DST: variants seen among roughly 807,000 people sequenced by gnomAD.
DST encodes the protein bullous pemphigoid antigen.
Under a neutral mutation model 875.2 loss-of-function variants are expected in DST, and 253 were observed. The ratio of observed to expected loss-of-function variants is 0.29; its 90% CI spans 0.26 to 0.32. The LOEUF is 0.32. Among genes scored for constraint, DST ranks in the 10% least tolerant of loss-of-function variants. The probability of loss-of-function intolerance (pLI) is 1.00; values close to 1 mark genes in which losing one functional copy is unlikely to be tolerated. For missense variants in DST, 8,287 were observed against 9,111.6 expected (o/e 0.91, Z 3.68); for synonymous variants, 3,124 against 3,197.1 (o/e 0.98, Z 0.77).
intron 56 of DST, 21 bp from the exon 57 acceptor site, chr6:56,561,570 T>C (rs767207379): frequency 6.3e-7 from 1 of 1,590,252 alleles, no homozygotes; most frequent in Admixed American, 1.8e-5. Flanking sequence ...GAAAAACAAC[T>C]ATACTGACAC....
intron 10 of DST, among the ~76,000 whole-genome samples, chr6:56,651,971 T>A (rs771604749): frequency 6.6e-6 from 1 of 152,348 alleles, no homozygotes; most frequent in Admixed American, 6.5e-5. Context: ...AAGAATGATA[T>A]ATAGTACACC....
chr6:56,850,258 A>C (rs1764393179), intron 4 of DST, among the ~76,000 whole-genome samples: 1 of 152,176 alleles, frequency 6.6e-6, no homozygotes. Context: ...ATGGCTGGCT[A>C]GGCACTGTTT....
chr6:56,515,368 T>C, intron 72 of DST, 82 bp downstream of exon 72: 1 of 1,480,260 alleles, frequency 6.8e-7, no homozygotes, highest in South Asian at 1.3e-5. Context: ...CATGTAAGTG[T>C]TTAACTGTAC....
At chr6:56,580,701 G>C (rs1294679899) in intron 49 of DST, among the ~76,000 whole-genome samples, 2 of 150,784 alleles carry the variant, frequency 1.3e-5, no homozygotes, top group Non-Finnish European at 3.0e-5. Flanking sequence ...TTTGAGCCTA[G>C]GTAATTAGCG....
chr6:56,598,066 C>T (rs2098408340), intron 46 of DST, 60 bp from the exon 47 acceptor site: 2 of 1,447,430 alleles, frequency 1.4e-6, no homozygotes, highest in Non-Finnish European at 1.8e-6. Flanking sequence ...AGTTTTAAGA[C>T]ATTCCAAAAG....
intron 37 of DST, among the ~76,000 whole-genome samples, chr6:56,612,906 TGCAGTCC>T (rs534491138): frequency 7.4e-4 from 112 of 152,236 alleles, no homozygotes; most frequent in African/African-American, 2.5e-3. Context: ...GGCATGTGTC[TGCAGTCC>T]AGCTACTCAG....
At chr6:56,682,370 CA>C (rs1054712675) in intron 9 of DST, among the ~76,000 whole-genome samples, 4 of 152,080 alleles carry the variant, frequency 2.6e-5, no homozygotes, top group African/African-American at 9.7e-5. Flanking sequence ...TAAGTAAGCT[CA>C]AAAACTGACA....
Position 56,893,578 on chromosome 6 carries a change from T to A in DST, c.417+6843A>T, listed in dbSNP as rs1190895225. ...CTTTTAGTTCTTTTTTTTTTTTTTT[T>A]TTTTTTTTTATTTTTTTTTATTTTT... On this transcript the variant is annotated intron_variant, in intron 3 of 103. Transcript: ENST00000680361. Among the ~76,000 whole-genome samples, 385 of 71,240 alleles carry A rather than the reference T, an allele frequency of 5.4e-3. 27 individuals carry two copies. The highest frequency in any genetic ancestry group is 8.8e-3 in the Admixed American group (76 of 8,592). 46.7% of individuals were successfully genotyped at this position (71,240 alleles called of 152,430 possible). A position where few individuals can be genotyped will look rare whatever the true frequency, so the allele number is the denominator to read the frequency against.
chr6:56,779,500 G>C (rs1282306367), intron 4 of DST, among the ~76,000 whole-genome samples: 1 of 151,954 alleles, frequency 6.6e-6, no homozygotes, highest in Non-Finnish European at 1.5e-5. Context: ...TTTTCTTCAA[G>C]GGTTTTTATG....
chr6:56,934,560 T>TTTTATATATATATATATAGATATA, intron 2 of DST, among the ~76,000 whole-genome samples: 1 of 106,486 alleles, frequency 9.4e-6, no homozygotes, highest in Non-Finnish European at 1.9e-5. Flanking sequence ...ATATATTATA[T>TTTTATATATATATATATAGATATA]TATATATATA....
intron 7 of DST, 55 bp from the exon 8 acceptor site, chr6:56,702,020 C>T: frequency 9.8e-7 from 1 of 1,021,458 alleles, no homozygotes; most frequent in Non-Finnish European, 1.5e-6. Flanking sequence ...ACAGACCATG[C>T]TAATTTAAAT....
intron 10 of DST, among the ~76,000 whole-genome samples, chr6:56,666,055 A>G (rs2099070616): frequency 6.6e-6 from 1 of 152,192 alleles, no homozygotes; most frequent in African/African-American, 2.4e-5. Flanking sequence ...ACTTATTATA[A>G]AAATTTCTCT....
intron 4 of DST, among the ~76,000 whole-genome samples, chr6:56,770,135 A>G (rs1190954526): frequency 6.6e-6 from 1 of 152,186 alleles, no homozygotes; most frequent in Admixed American, 6.5e-5. Context: ...CAGTGTCTAA[A>G]CAGCAGATAA....
At chr6:56,770,440 T>TA (rs1367293885) in intron 4 of DST, among the ~76,000 whole-genome samples, 1 of 152,216 alleles carries the variant, frequency 6.6e-6, no homozygotes, top group Non-Finnish European at 1.5e-5. Context: ...ATTTAATTTA[T>TA]AAAGATCATA....
At chr6:56,825,919 GGA>G (rs2099779919) in intron 4 of DST, among the ~76,000 whole-genome samples, 1 of 152,102 alleles carries the variant, frequency 6.6e-6, no homozygotes, top group African/African-American at 2.4e-5. Context: ...ATCTCCTAAA[GGA>G]AAGCAACATC....
chr6:56,575,346 CTCTGAT>C (rs2097848361), intron 50 of DST, among the ~76,000 whole-genome samples: 1 of 152,060 alleles, frequency 6.6e-6, no homozygotes, highest in African/African-American at 2.4e-5. Flanking sequence ...CATATGTACC[CTCTGAT>C]TCTAAAATAA....
At chr6:56,648,139 T>G (rs151197854) in intron 13 of DST, among the ~76,000 whole-genome samples, 49 of 152,286 alleles carry the variant, frequency 3.2e-4, no homozygotes, top group African/African-American at 1.1e-3. Context: ...TACCTCTTCC[T>G]GCACAAAAGA....
intron 36 of DST, chr6:56,624,318 G>T (rs1036106339): frequency 5.5e-5 from 36 of 651,122 alleles, no homozygotes; most frequent in Non-Finnish European, 9.4e-5. Context: ...GAAGTGAAAT[G>T]ACTTTCTATT....
chr6:56,604,457 T>C lies in DST; in HGVS notation c.10171A>G (p.Lys3391Glu). 1 of 1,609,888 alleles carries C rather than the reference T, an allele frequency of 6.2e-7. No individual in the cohort carries two copies. Among genetic ancestry groups the C allele is most frequent in the Non-Finnish European group, 8.5e-7 (1 of 1,177,544 alleles). Residue 3391 changes from lysine (K) to glutamate (E), a missense_variant, in exon 40 of 104, where the codon AAA (lysine) becomes GAA (glutamate). Around this residue, in one of 10 missense-constraint regions of DST, gnomAD observed 3,138 missense variants for 3,116.6 expected, o/e 1.01. Transcript: ENST00000680361. ...ACCAACTGTGATGTGGTAATCCTTT[T>C]AATTAAATTTTGAATTAAAATTTTA... ...DTKILIQNLI[K>E]RITTSQLVNE...
Sources: gnomAD v4.1 joint callset for allele counts (sites outside exome capture counted in the v4.1 genomes callset) on GRCh38, gnomAD v4.1.1 for gene constraint, gnomAD v4.1.1 regional missense constraint, MANE v1.5 for transcripts, NCBI Gene and HGNC (gene_info 2026-07-23, HGNC 2026-07-21) for gene names.